The following NSUN2 variants were observed in gnomAD, a reference collection of about 807,000 sequenced individuals.
The protein encoded by NSUN2 is RNA cytosine C(5)-methyltransferase NSUN2.
A neutral mutation model predicts 92.7 loss-of-function variants in NSUN2; 63 were observed. The observed-to-expected ratio is 0.68, with a 90% CI of 0.56 to 0.84. The LOEUF (loss-of-function observed/expected upper bound fraction) is 0.84, where lower values mean the gene tolerates loss of function less well. Ranked by LOEUF, NSUN2 falls within the 40% of genes least tolerant of loss-of-function variation. NSUN2 has a pLI of 0.00. For missense variants in NSUN2, 989 were observed against 964.9 expected, an observed-to-expected ratio of 1.02 and a Z score of -0.33; for synonymous variants, 356 against 348.3, an observed-to-expected ratio of 1.02 and a Z score of -0.25.
At chr5:6,601,174 A>AGTTTGACTGTC (rs1736539291) in intron 18 of NSUN2, among the ~76,000 whole-genome samples, 2 of 141,446 alleles carry the variant, frequency 1.4e-5, no homozygotes, top group Non-Finnish European at 3.1e-5. Context: ...AAAAAAAAAA[A>AGTTTGACTGTC]ACCATTATTC....
chr5:6,611,513 C>T (rs886348680), intron 10 of NSUN2, among the ~76,000 whole-genome samples: 2 of 139,048 alleles, frequency 1.4e-5, no homozygotes, highest in African/African-American at 5.4e-5. Context: ...TATTTCTGTA[C>T]GTGGAGAAAA....
chr5:6,622,643 T>A (rs1267115548), intron 5 of NSUN2, among the ~76,000 whole-genome samples: 1 of 151,512 alleles, frequency 6.6e-6, no homozygotes, highest in Non-Finnish European at 1.5e-5. Flanking sequence ...AGGTCGGGAG[T>A]TCGAGACCAG....
rs1271731615 is a variant in NSUN2, at chr5:6,611,039, G to C, written c.1142C>G (p.Pro381Arg). The C allele has an allele frequency of 1.2e-6, 2 of 1,614,152 alleles. No homozygotes were observed. Among genetic ancestry groups the C allele is most frequent in the South Asian group, 1.1e-5 (1 of 91,076 alleles). Residue 381 changes from proline (P) to arginine (R), a missense_variant, in exon 11 of 19, where the codon CCT becomes CGT. By Grantham distance (103) the Pro-to-Arg change is moderately radical. This residue lies in a region of NSUN2 where 626 missense variants were observed against 602.3 expected (regional missense o/e 1.04). Transcript: ENST00000264670. ...TCGGATCTGGGTGTGTCTGCTGTGAGGAACAGCGTCCCAGTCTGTAAACCA... is the reference window on the plus strand; with the variant it reads ...TCGGATCTGGGTGTGTCTGCTGTGACGAACAGCGTCCCAGTCTGTAAACCA... ...GQWFTDWDAV[P>R]HSRHTQIRPT...
At position 6,610,977 on chromosome 5, in the gene NSUN2, G is replaced by A. The variant is rs202173963; in HGVS notation, c.1204C>T (p.Gln402Ter). Residue 402 changes from glutamine to a stop codon, truncating the protein, a stop_gained, in exon 11 of 19, where the codon CAG (glutamine) becomes TAG (stop). Coordinates refer to ENST00000264670, the MANE Select transcript of NSUN2 (RefSeq NM_017755.6). LOFTEE classifies it high-confidence loss of function. The part of the protein sequence containing the change: ...MFPPKDPEKL[Q>*]AMHLERCLRI... ...CACCATCGCTCCAGGTGCATGGCCT[G>A]CAGCTTTTCTGGGTCCTTCGGAGGG... 1 of 1,614,162 alleles carries A rather than the reference G, an allele frequency of 6.2e-7. No homozygotes were observed. Among genetic ancestry groups the A allele is most frequent in the East Asian group, 2.2e-5 (1 of 44,866 alleles).
intron 14 of NSUN2, among the ~76,000 whole-genome samples, chr5:6,606,378 G>A (rs571423146): frequency 1.3e-5 from 2 of 152,260 alleles, no homozygotes; most frequent in South Asian, 4.1e-4. Context: ...CCACCTCCCA[G>A]GTTCACGCCA....
At chr5:6,625,775 G>T in intron 3 of NSUN2, 106 bp from the exon 4 acceptor site, 1 of 741,022 alleles carries the variant, frequency 1.3e-6, no homozygotes, top group South Asian at 1.5e-5. Flanking sequence ...TTCGAATGTT[G>T]TTCTCCCTGC....
chr5:6,622,013 T>C lies in NSUN2; in HGVS notation c.622+3A>G. 5.0e-6 allele frequency: 8 copies of C among 1,612,856 alleles called. No individual in the cohort carries two copies. Among genetic ancestry groups the C allele is most frequent in the Non-Finnish European group, 6.8e-6 (8 of 1,178,814 alleles). On this transcript the variant is annotated splice_donor_region_variant and intron_variant, in intron 6 of 18. Coordinates refer to ENST00000264670, the MANE Select transcript of NSUN2 (RefSeq NM_017755.6). ...CCATTTTGAACACAAGTCCAATGCA[T>C]ACCTGGAAAGGGGACATTCATGTCG...
At chr5:6,626,326 AT>A (rs1455033487) in intron 3 of NSUN2, among the ~76,000 whole-genome samples, 5 of 150,932 alleles carry the variant, frequency 3.3e-5, no homozygotes, top group East Asian at 2.0e-4. Context: ...TGTTATTTTT[AT>A]TTTTTTTATT....
At chr5:6,610,244 C>T (rs984653791) in intron 11 of NSUN2, among the ~76,000 whole-genome samples, 32 of 146,480 alleles carry the variant, frequency 2.2e-4, no homozygotes, top group Non-Finnish European at 3.0e-5. Flanking sequence ...TTGTATTTTT[C>T]TTTTTTTTTT....
At chr5:6,626,360 G>C (rs916808993) in intron 3 of NSUN2, among the ~76,000 whole-genome samples, 1 of 149,824 alleles carries the variant, frequency 6.7e-6, no homozygotes, top group African/African-American at 2.4e-5. Context: ...GGGAGAAATG[G>C]GGGATACTAA....
At chr5:6,613,375 GCCCTTA>G (rs902977727) in intron 9 of NSUN2, among the ~76,000 whole-genome samples, 2 of 152,180 alleles carry the variant, frequency 1.3e-5, no homozygotes, top group Non-Finnish European at 2.9e-5. Flanking sequence ...AAATATGAAT[GCCCTTA>G]TACTTAAAAC....
At chr5:6,605,461 C>CT (rs2126472875) in intron 14 of NSUN2, 53 bp from the exon 15 acceptor site, 1 of 1,585,644 alleles carries the variant, frequency 6.3e-7, no homozygotes. Context: ...ATCTGGTAGA[C>CT]TGTTTCTAAA....
rs1217993823 is a variant in NSUN2 at position 6,616,815 on chromosome 5, A to G, written c.933T>C (p.Ala311=). The G allele has an allele frequency of 6.2e-7, 1 of 1,613,986 alleles. No homozygotes were observed. ...RIATRGAEQL[A]EGGRMVYSTC... ...TGGAATACACCATCCTTCCACCTTC[A>G]GCCAGCTGTTCAGCCCCGCGTGTTG... Residue 311 remains alanine (A), a synonymous_variant, in exon 9 of 19, where the codon GCT becomes GCC. Coordinates refer to ENST00000264670, the MANE Select transcript of NSUN2 (RefSeq NM_017755.6).
At chr5:6,632,518 A>C in intron 2 of NSUN2, 81 bp downstream of exon 2, 1 of 1,511,074 alleles carries the variant, frequency 6.6e-7, no homozygotes, top group Non-Finnish European at 9.1e-7. Context: ...GCACTGTAAC[A>C]CTTGTCGAAG....
intron 7 of NSUN2, 147 bp downstream of exon 7, chr5:6,619,959 C>A: frequency 1.8e-6 from 1 of 544,404 alleles, no homozygotes; most frequent in Non-Finnish European, 3.2e-6. Flanking sequence ...TCTACGTGTC[C>A]ATCTTTTGGT....
rs1736663735 is a variant in NSUN2 at position 6,604,171 on chromosome 5, TGA to T, written c.1922_1923del (p.Leu641GlnfsTer3). The T allele has an allele frequency of 6.2e-7, 1 of 1,613,890 alleles. No individual in the cohort carries two copies. Among genetic ancestry groups the T allele is most frequent in the Non-Finnish European group, 8.5e-7 (1 of 1,179,910 alleles). On this transcript the variant is annotated frameshift_variant, in exon 17 of 19. Transcript: ENST00000264670. LOFTEE classifies it high-confidence loss of function. ...TTTGCTTGACTGTAGGTCTCACTGCTGAGTTTTCTAAAAAAGGGATTTTCCTG... is the reference window on the plus strand; with the variant it reads ...TTTGCTTGACTGTAGGTCTCACTGCTGTTTTCTAAAAAAGGGATTTTCCTG... Reference protein sequence around the residue: ...LTQENPFFRKLSSETYSQAKD... With the variant: ...LTQENPFFRKXSSETYSQAKD...
At chr5:6,624,622 C>A (rs889484626) in intron 4 of NSUN2, among the ~76,000 whole-genome samples, 1 of 152,186 alleles carries the variant, frequency 6.6e-6, no homozygotes, top group Non-Finnish European at 1.5e-5. Flanking sequence ...AGAATCCTTT[C>A]GTGCACTGGT....
chr5:6,608,556 T>C (rs1736872737), intron 12 of NSUN2, among the ~76,000 whole-genome samples: 1 of 152,262 alleles, frequency 6.6e-6, no homozygotes, highest in Non-Finnish European at 1.5e-5. Context: ...GAAGTATTCA[T>C]ATTATTTAAA....
At chr5:6,625,067 G>A (rs1400188486) in intron 4 of NSUN2, among the ~76,000 whole-genome samples, 4 of 151,468 alleles carry the variant, frequency 2.6e-5, no homozygotes, top group Non-Finnish European at 5.9e-5. Flanking sequence ...GTGGTGCTTA[G>A]GTGTTTTGTG....
Sources: allele counts gnomAD v4.1 joint callset (sites outside exome capture counted in the v4.1 genomes callset), GRCh38; gene constraint gnomAD v4.1.1; regional missense constraint gnomAD v4.1.1; transcripts MANE v1.5; gene names NCBI Gene and HGNC (gene_info 2026-07-23, HGNC 2026-07-21).